LRMDA: variants seen among roughly 807,000 people sequenced by gnomAD.
LRMDA encodes the protein leucine rich melanocyte differentiation associated.
A neutral mutation model predicts 29.8 loss-of-function variants in LRMDA; 18 were observed. The observed-to-expected ratio is 0.60, with a 90% CI of 0.42 to 0.90. LRMDA has a LOEUF of 0.90. Among genes scored for constraint, LRMDA ranks in the 40% least tolerant of loss-of-function variants. LRMDA has a pLI of 0.00. For synonymous variants in LRMDA, 125 were observed against 109.4 expected (o/e 1.14, Z -0.89); for missense variants, 273 against 273.9 (o/e 1.00, Z 0.02).
chr10:75,470,391 A>C (rs1455529863), intron 2 of LRMDA, among the ~76,000 whole-genome samples: 1 of 152,150 alleles, frequency 6.6e-6, no homozygotes, highest in Non-Finnish European at 1.5e-5. Flanking sequence ...CAGCTACTGG[A>C]GAGGCTGATG....
intron 2 of LRMDA, among the ~76,000 whole-genome samples, chr10:75,472,044 C>A (rs1286280539): frequency 1.3e-5 from 2 of 152,162 alleles, no homozygotes; most frequent in Non-Finnish European, 2.9e-5. Context: ...TTTTTACCCA[C>A]CAGTTTGATC....
intron 6 of LRMDA, among the ~76,000 whole-genome samples, chr10:76,419,424 T>A (rs1842051274): frequency 6.6e-6 from 1 of 152,108 alleles, no homozygotes; most frequent in Non-Finnish European, 1.5e-5. Context: ...TGATAGCATG[T>A]TTCCTTTTAG....
intron 5 of LRMDA, among the ~76,000 whole-genome samples, chr10:76,233,793 G>T (rs1589386934): frequency 6.6e-6 from 1 of 152,166 alleles, no homozygotes; most frequent in Admixed American, 6.5e-5. Flanking sequence ...TCATGAAGTT[G>T]CAGCAATTCA....
At chr10:75,620,762 G>C (rs1056510597) in intron 2 of LRMDA, among the ~76,000 whole-genome samples, 2 of 152,138 alleles carry the variant, frequency 1.3e-5, no homozygotes, top group Admixed American at 1.3e-4. Context: ...GGCAGGGTGG[G>C]TATTACATTT....
At chr10:76,173,950 G>C (rs1166734674) in intron 5 of LRMDA, among the ~76,000 whole-genome samples, 1 of 152,186 alleles carries the variant, frequency 6.6e-6, no homozygotes, top group Non-Finnish European at 1.5e-5. Flanking sequence ...GCGAGCCACT[G>C]CATCTGGCCT....
rs183099923 is a variant in LRMDA at position 76,265,637 on chromosome 10, G to A, written c.517-58764G>A. 5.3e-5 allele frequency among the ~76,000 whole-genome samples: 8 copies of A among 152,270 alleles called. No individual in the cohort carries two copies. The East Asian group carries it at 7.7e-4, about 15-fold the overall frequency. On this transcript the variant is annotated intron_variant, in intron 5 of 6. Coordinates refer to ENST00000611255, the MANE Select transcript of LRMDA (RefSeq NM_001305581.2). Reference sequence around the variant, plus strand: ...ATACTTAAGAGAGTGCTGGGGGAATGGTCACAGAAGACCCATCAGGCCCTT... The same window carrying A: ...ATACTTAAGAGAGTGCTGGGGGAATAGTCACAGAAGACCCATCAGGCCCTT...
At chr10:76,221,828 A>G (rs1851845675) in intron 5 of LRMDA, among the ~76,000 whole-genome samples, 1 of 152,160 alleles carries the variant, frequency 6.6e-6, no homozygotes, top group Non-Finnish European at 1.5e-5. Context: ...CTAAGCCAAA[A>G]GAACAAAGCT....
intron 2 of LRMDA, 137 bp from the exon 3 acceptor site, chr10:76,035,871 T>C (rs189965727): frequency 1.0e-6 from 1 of 964,160 alleles, no homozygotes. Flanking sequence ...CTAATTCTTG[T>C]CATTCACTTT....
intron 5 of LRMDA, among the ~76,000 whole-genome samples, chr10:76,233,879 G>A (rs1273952950): frequency 6.6e-6 from 1 of 152,106 alleles, no homozygotes; most frequent in Admixed American, 6.5e-5. Flanking sequence ...TTCCTCTACT[G>A]AAGTCTTGAG....
intron 2 of LRMDA, among the ~76,000 whole-genome samples, chr10:75,982,027 T>C (rs932977652): frequency 6.6e-6 from 1 of 152,144 alleles, no homozygotes; most frequent in African/African-American, 2.4e-5. Flanking sequence ...GTTTCTCTTC[T>C]TACATATGTG....
chr10:76,134,623 AT>A (rs200077772), intron 5 of LRMDA, among the ~76,000 whole-genome samples: 5 of 151,632 alleles, frequency 3.3e-5, no homozygotes, highest in East Asian at 1.9e-4. Context: ...CCATTTATTG[AT>A]TTTTTTTTCT....
chr10:75,874,916 T>C (rs2132336188), intron 2 of LRMDA, among the ~76,000 whole-genome samples: 1 of 152,326 alleles, frequency 6.6e-6, no homozygotes, highest in Middle Eastern at 3.4e-3. Context: ...TCAATTCAGT[T>C]CAGTGAGCCT....
intron 2 of LRMDA, among the ~76,000 whole-genome samples, chr10:75,701,179 G>T (rs1463604750): frequency 6.6e-6 from 1 of 152,188 alleles, no homozygotes; most frequent in Admixed American, 6.5e-5. Flanking sequence ...CAGCTTTCTT[G>T]TGGCAGGCAG....
intron 6 of LRMDA, among the ~76,000 whole-genome samples, chr10:76,412,324 C>A (rs1841970706): frequency 6.6e-6 from 1 of 152,154 alleles, no homozygotes; most frequent in Non-Finnish European, 1.5e-5. Context: ...GAGGGCTCTG[C>A]CTCCCCAAAG....
intron 5 of LRMDA, among the ~76,000 whole-genome samples, chr10:76,162,608 C>T (rs571952085): frequency 1.8e-4 from 27 of 152,238 alleles, no homozygotes; most frequent in Non-Finnish European, 2.6e-4. Flanking sequence ...AGATGCTACA[C>T]ACTTTTAAAC....
chr10:76,315,806 C>G (rs901951675), intron 5 of LRMDA, among the ~76,000 whole-genome samples: 1 of 151,952 alleles, frequency 6.6e-6, no homozygotes, highest in Non-Finnish European at 1.5e-5. Context: ...GAGTCCCCCT[C>G]CTGGAGTGAG....
chr10:76,391,108 A>G (rs1389418422), intron 6 of LRMDA, among the ~76,000 whole-genome samples: 1 of 152,222 alleles, frequency 6.6e-6, no homozygotes, highest in Non-Finnish European at 1.5e-5. Flanking sequence ...CCTCTAACCA[A>G]TATTCCAAAG....
chr10:76,557,461 C>T lies in LRMDA; in HGVS notation c.*173C>T. ...ACTTTGCCAGGCCTGTCAAGATGAT[C>T]CTTCTGCCTTAGACTGAGTGGTCAC... On this transcript the variant is annotated 3_prime_UTR_variant, in exon 7 of 7. Coordinates refer to ENST00000611255, the MANE Select transcript of LRMDA (RefSeq NM_001305581.2). The T allele has an allele frequency of 3.2e-6, 2 of 626,348 alleles. No homozygotes were observed. The highest frequency in any genetic ancestry group is 2.8e-6 in the Non-Finnish European group (1 of 355,412). 38.8% of individuals were successfully genotyped at this position (626,348 alleles called of 1,614,324 possible). A position where few individuals can be genotyped will look rare whatever the true frequency, so the allele number is the denominator to read the frequency against.
At chr10:75,477,073 C>T (rs1484281006) in intron 2 of LRMDA, among the ~76,000 whole-genome samples, 1 of 151,914 alleles carries the variant, frequency 6.6e-6, no homozygotes, top group African/African-American at 2.4e-5. Context: ...TCACTGCTGC[C>T]TTGAACTCTT....
Sources: allele counts gnomAD v4.1 joint callset (sites outside exome capture counted in the v4.1 genomes callset), GRCh38; gene constraint gnomAD v4.1.1; transcripts MANE v1.5; gene names NCBI Gene and HGNC (gene_info 2026-07-23, HGNC 2026-07-21).